Variants in ARPP21 observed in about 807,000 individuals in gnomAD.
The protein encoded by ARPP21 is cAMP regulated phosphoprotein 21.
A neutral mutation model predicts 113.2 loss-of-function variants in ARPP21; 69 were observed. The ratio of observed to expected loss-of-function variants is 0.61; its 90% CI spans 0.50 to 0.74. ARPP21 has a LOEUF of 0.74. ARPP21 is among the 30% of genes least tolerant of loss of function. The probability of loss-of-function intolerance (pLI) is 0.00; values close to 1 mark genes in which losing one functional copy is unlikely to be tolerated. For missense variants in ARPP21, 1,070 were observed against 1,037.4 expected (o/e 1.03, Z -0.43); for synonymous variants, 368 against 375.5 (o/e 0.98, Z 0.23).
chr3:35,738,486 C>T (rs898565406), intron 17 of ARPP21, among the ~76,000 whole-genome samples, 168 bp downstream of exon 17: 5 of 152,186 alleles, frequency 3.3e-5, no homozygotes, highest in Non-Finnish European at 7.3e-5. Context: ...CTCTGCAAAA[C>T]AATGGTTTCC....
In ARPP21 at chr3:35,737,250, G is replaced by A. The variant is rs1428412129; in HGVS notation, c.1532G>A (p.Ser511Asn). 3.1e-6 allele frequency: 5 copies of A among 1,613,036 alleles called. No homozygotes were observed. Among genetic ancestry groups the A allele is most frequent in the Middle Eastern group, 1.7e-4 (1 of 6,058 alleles). The change falls in exon 16 of 21, where the codon AGC becomes AAC. Residue 511 changes from serine (S) to asparagine (N), a missense_variant. Ser to Asn is a conservative substitution (Grantham distance 46, BLOSUM62 1). Coordinates refer to ENST00000684406, the MANE Select transcript of ARPP21 (RefSeq NM_001385562.1). ...CCCACCAGTCAGCAGCCCCTGCGAAGCGCCATGGTGGGGCAGTCCCAACAG... is the reference window on the plus strand; with the variant it reads ...CCCACCAGTCAGCAGCCCCTGCGAAACGCCATGGTGGGGCAGTCCCAACAG... ...NPPTSQQPLR[S>N]AMVGQSQQQP...
At chr3:35,765,605 T>C (rs1291111869) in intron 19 of ARPP21, among the ~76,000 whole-genome samples, 1 of 152,064 alleles carries the variant, frequency 6.6e-6, no homozygotes, top group Non-Finnish European at 1.5e-5. Flanking sequence ...AGAGGTGACA[T>C]GTAAATGTAA....
chr3:35,738,851 C>G (rs1157047297), intron 17 of ARPP21, among the ~76,000 whole-genome samples: 1 of 152,152 alleles, frequency 6.6e-6, no homozygotes, highest in Non-Finnish European at 1.5e-5. Context: ...ATAATCCCAC[C>G]CAGCCTGTTG....
At chr3:35,646,635 T>C (rs1700339428) in intron 1 of ARPP21, among the ~76,000 whole-genome samples, 1 of 152,162 alleles carries the variant, frequency 6.6e-6, no homozygotes, top group Admixed American at 6.5e-5. Flanking sequence ...CATGATTCTT[T>C]AAGCCAATGT....
intron 1 of ARPP21, among the ~76,000 whole-genome samples, chr3:35,663,459 A>T (rs1708734058): frequency 6.6e-6 from 1 of 152,158 alleles, no homozygotes; most frequent in Admixed American, 6.6e-5. Context: ...TATTATGGAA[A>T]TTTTTTAAAT....
Position 35,743,906 on chromosome 3 carries a change from C to T in ARPP21, c.2078C>T (p.Ala693Val). 1.2e-6 allele frequency: 2 copies of T among 1,613,484 alleles called. No individual in the cohort carries two copies. Among genetic ancestry groups the T allele is most frequent in the East Asian group, 2.2e-5 (1 of 44,878 alleles). Reference protein sequence around the residue: ...TSTTQQYRPMAPVQYNAQRSQ... With the variant: ...TSTTQQYRPMVPVQYNAQRSQ... The stretch of plus-strand genomic sequence containing the variant: ...ACCACGCAACAGTACCGGCCCATGG[C>T]CCCGGTTCAGTACAACGCTCAGAGG... Residue 693 changes from alanine to valine, a missense_variant, in exon 19 of 21, where the codon GCC (alanine) becomes GTC (valine). Transcript: ENST00000684406.
chr3:35,761,310 C>T (rs375808361), intron 19 of ARPP21, among the ~76,000 whole-genome samples: 3 of 152,006 alleles, frequency 2.0e-5, no homozygotes, highest in Admixed American at 6.6e-5. Context: ...GGGTAGGCAA[C>T]GTTTAGATGT....
intron 19 of ARPP21, among the ~76,000 whole-genome samples, chr3:35,767,094 G>T (rs1451154438): frequency 1.3e-5 from 2 of 152,148 alleles, no homozygotes; most frequent in Non-Finnish European, 1.5e-5. Flanking sequence ...TGTTAGGCCT[G>T]CCATGCATGA....
In ARPP21 at chr3:35,709,040, G is replaced by C; in HGVS notation, c.867G>C (p.Gln289His). The C allele has an allele frequency of 6.2e-7, 1 of 1,613,304 alleles. No homozygotes were observed. The highest frequency in any genetic ancestry group is 8.5e-7 in the Non-Finnish European group (1 of 1,179,282). The change falls in exon 11 of 21, where the codon CAG (glutamine) becomes CAC (histidine). Residue 289 changes from glutamine (Q) to histidine (H), a missense_variant. Coordinates refer to ENST00000684406, the MANE Select transcript of ARPP21 (RefSeq NM_001385562.1). ...KSIEEREEEYQRVRERIFAHD... is the reference protein window; with the variant it reads ...KSIEEREEEYHRVRERIFAHD... ...TTGAAGAGAGAGAAGAGGAATATCAGAGAGTGAGGGAGAGAATATTTGCAC... is the reference window on the plus strand; with the variant it reads ...TTGAAGAGAGAGAAGAGGAATATCACAGAGTGAGGGAGAGAATATTTGCAC...
chr3:35,688,856 A>C (rs1469227322), intron 6 of ARPP21, among the ~76,000 whole-genome samples: 1 of 150,938 alleles, frequency 6.6e-6, no homozygotes, highest in Non-Finnish European at 1.5e-5. Flanking sequence ...ACCGATTAAT[A>C]GATAGTCTCA....
At chr3:35,707,911 C>T (rs975504068) in intron 10 of ARPP21, among the ~76,000 whole-genome samples, 8 of 151,750 alleles carry the variant, frequency 5.3e-5, no homozygotes, top group Non-Finnish European at 1.2e-4. Flanking sequence ...CATATAAATG[C>T]CATTACAATT....
intron 18 of ARPP21, among the ~76,000 whole-genome samples, chr3:35,742,031 A>C (rs755197263): frequency 3.3e-5 from 5 of 152,214 alleles, no homozygotes; most frequent in African/African-American, 4.8e-5. Flanking sequence ...AAACAACAAC[A>C]AAAATTGAGT....
At position 35,673,412 on chromosome 3, in the gene ARPP21, G is replaced by A. The variant is rs966087176; in HGVS notation, c.-212-6375G>A. ...TTCATTCGTTTTGCTGTTAAGGAGG[G>A]AGCTGAGGTCATAGATGGGCAATTT... On this transcript the variant is annotated intron_variant, in intron 1 of 20. Coordinates refer to ENST00000684406, the MANE Select transcript of ARPP21 (RefSeq NM_001385562.1). Among the ~76,000 whole-genome samples the A allele has an allele frequency of 1.3e-4, 19 of 151,924 alleles. 1 individual carries two copies. The highest frequency in any genetic ancestry group is 3.3e-4 in the Admixed American group (5 of 15,228).
rs748494164 is a variant in ARPP21, at chr3:35,690,866, A to G, written c.547A>G (p.Asn183Asp). The G allele has an allele frequency of 6.2e-7, 1 of 1,603,132 alleles. No individual in the cohort carries two copies. The highest frequency in any genetic ancestry group is 1.1e-5 in the South Asian group (1 of 89,164). Residue 183 changes from asparagine to aspartate, a missense_variant and splice_region_variant, in exon 9 of 21, where the codon AAT becomes GAT. Physicochemically the swap from Asn to Asp is conservative, Grantham distance 23. Transcript: ENST00000684406. ...EIIDFIADNNNHYKKFPQMSS... is the reference protein window; with the variant it reads ...EIIDFIADNNDHYKKFPQMSS... ...ACTTTTTCTTGAATTATGTTCTAGT[A>G]ATCATTATAAAAAGTTCCCTCAGAT...
At chr3:35,728,503 C>T (rs1420317411) in intron 14 of ARPP21, among the ~76,000 whole-genome samples, 1 of 149,440 alleles carries the variant, frequency 6.7e-6, no homozygotes, top group African/African-American at 2.4e-5. Context: ...CAGGCGTGAA[C>T]CACTGTGCCC....
intron 1 of ARPP21, among the ~76,000 whole-genome samples, chr3:35,657,623 A>G (rs898467090): frequency 6.6e-5 from 10 of 152,070 alleles, no homozygotes; most frequent in African/African-American, 2.2e-4. Context: ...TGAGGCACAA[A>G]CACATTTGGT....
intron 5 of ARPP21, chr3:35,685,551 A>G (rs1040898826): frequency 1.9e-5 from 19 of 984,808 alleles, no homozygotes; most frequent in Admixed American, 6.2e-5. Flanking sequence ...ACACTGGCAG[A>G]TGTATACAGT....
At chr3:35,713,399 A>T (rs746425686) in intron 11 of ARPP21, among the ~76,000 whole-genome samples, 136 of 148,094 alleles carry the variant, frequency 9.2e-4, no homozygotes, top group Middle Eastern at 3.6e-3. Context: ...TGGGTAAGGT[A>T]TTTTTTTTTT....
At chr3:35,696,823 G>A (rs1333301153) in intron 9 of ARPP21, among the ~76,000 whole-genome samples, 1 of 151,600 alleles carries the variant, frequency 6.6e-6, no homozygotes, top group Non-Finnish European at 1.5e-5. Flanking sequence ...CCACAAATAT[G>A]TGTGTCTTTC....
Sources: allele counts gnomAD v4.1 joint callset (sites outside exome capture counted in the v4.1 genomes callset), GRCh38; gene constraint gnomAD v4.1.1; transcripts MANE v1.5; gene names NCBI Gene and HGNC (gene_info 2026-07-23, HGNC 2026-07-21).